GLIS2: variants seen among roughly 807,000 people sequenced by gnomAD.
GLIS2 encodes the protein GLIS family zinc finger 2.
In GLIS2, 14 loss-of-function variants were observed where a neutral mutation model predicts 35.6. The ratio of observed to expected loss-of-function variants is 0.39; its 90% CI spans 0.26 to 0.61. The LOEUF is 0.61. Ranked by LOEUF, GLIS2 falls within the 20% of genes least tolerant of loss-of-function variation. The pLI, the probability that GLIS2 is intolerant of heterozygous loss-of-function variation, is 0.48. For missense variants in GLIS2, 675 were observed against 713.4 expected (o/e 0.95, Z 0.61); for synonymous variants, 368 against 325.1 (o/e 1.13, Z -1.42).
chr16:4,337,173 T>A lies in GLIS2; in HGVS notation c.1224T>A (p.Pro408=). Residue 408 remains proline, a synonymous_variant, in exon 7 of 7, where the codon CCT becomes CCA. Coordinates refer to ENST00000433375, the MANE Select transcript of GLIS2 (RefSeq NM_032575.3). ...MGPGLPGPVL[P]LNLAKNPLLP... Reference sequence around the variant, plus strand: ...CTGGGCTGCCAGGCCCCGTCCTGCCTCTCAATCTGGCCAAGAACCCGCTGC... The same window carrying A: ...CTGGGCTGCCAGGCCCCGTCCTGCCACTCAATCTGGCCAAGAACCCGCTGC... 6.5e-7 allele frequency: 1 copy of A among 1,542,898 alleles called. No individual in the cohort carries two copies.
chr16:4,332,136 C>T lies in GLIS2; in HGVS notation c.-66-79C>T, dbSNP rs1013575868. The T allele has an allele frequency of 8.6e-6, 9 of 1,043,460 alleles. No individual in the cohort carries two copies. Among genetic ancestry groups the T allele is most frequent in the African/African-American group, 1.6e-5 (1 of 62,946 alleles). 64.6% of individuals were successfully genotyped at this position (1,043,460 alleles called of 1,614,324 possible). A position where few individuals can be genotyped will look rare whatever the true frequency, so the allele number is the denominator to read the frequency against. On this transcript the variant is annotated intron_variant, in intron 1 of 6. Coordinates refer to ENST00000433375, the MANE Select transcript of GLIS2 (RefSeq NM_032575.3). The surrounding 1 kb of genome is among the most constrained non-coding windows in gnomAD (Gnocchi z 5.4). ...CCTCACACTGCCCCCTGCTCCTGCTCCTGTTAGACTGTCATGAGTACAGCC... is the reference window on the plus strand; with the variant it reads ...CCTCACACTGCCCCCTGCTCCTGCTTCTGTTAGACTGTCATGAGTACAGCC...
chr16:4,336,960 G>A lies in GLIS2; in HGVS notation c.1011G>A (p.Pro337=), dbSNP rs200814551. 1.6e-3 allele frequency: 2,579 copies of A among 1,610,730 alleles called. 71 individuals carry two copies. The East Asian group carries it at 0.049, about 30-fold the overall frequency. ...TGCAGCTGCGCCCACCCCCCAAGCCGCCACTGCCCGCCCCCGACGGCGGCC... is the reference window on the plus strand; with the variant it reads ...TGCAGCTGCGCCCACCCCCCAAGCCACCACTGCCCGCCCCCGACGGCGGCC... ...ELLQLRPPPK[P]PLPAPDGGPY... The change falls in exon 7 of 7, where the codon CCG becomes CCA. Residue 337 remains proline (P), a synonymous_variant. Transcript: ENST00000433375.
Position 4,334,886 on chromosome 16 carries a change from T to A in GLIS2, c.431T>A (p.Leu144Gln). Residue 144 changes from leucine to glutamine, a missense_variant, in exon 4 of 7, where the codon CTG becomes CAG. Leu to Gln is a moderately radical substitution (Grantham distance 113). Transcript: ENST00000433375. ...CTCGGCTCCGGGGGGGCCCTGCACCTGCCTGCCTCCTCCTTCCTTACCCCT... is the reference window on the plus strand; with the variant it reads ...CTCGGCTCCGGGGGGGCCCTGCACCAGCCTGCCTCCTCCTTCCTTACCCCT... ...LPLGSGGALHLPASSFLTPPK... is the reference protein window; with the variant it reads ...LPLGSGGALHQPASSFLTPPK... The A allele has an allele frequency of 6.2e-7, 1 of 1,613,220 alleles. No homozygotes were observed. Among genetic ancestry groups the A allele is most frequent in the East Asian group, 2.2e-5 (1 of 44,874 alleles).
At position 4,339,402 on chromosome 16, in the gene GLIS2, T is replaced by G. The variant is rs2053600837; in HGVS notation, c.*1878T>G. The G allele has an allele frequency of 6.5e-6, 1 of 152,890 alleles. No individual in the cohort carries two copies. The highest frequency in any genetic ancestry group is 1.5e-5 in the Non-Finnish European group (1 of 68,228). The allele number at this position is 152,890 out of a possible 1,614,324, so 9.5% of individuals were successfully genotyped here. ...CTTTTTGTGGTTGTCATTGGTGTGT[T>G]GTTGCACATTCCAGGACGTCAGTAT... On this transcript the variant is annotated 3_prime_UTR_variant, in exon 7 of 7. Coordinates refer to ENST00000433375, the MANE Select transcript of GLIS2 (RefSeq NM_032575.3).
rs772461652 is a variant in GLIS2 at position 4,338,634 on chromosome 16, G to C, written c.*1110G>C. ...CTTGAGGGAAGCAGTGGCTGGAGGAGGGTGCTGGACCCATGACACGTTGCT... is the reference window on the plus strand; with the variant it reads ...CTTGAGGGAAGCAGTGGCTGGAGGACGGTGCTGGACCCATGACACGTTGCT... On this transcript the variant is annotated 3_prime_UTR_variant, in exon 7 of 7. Transcript: ENST00000433375. The C allele has an allele frequency of 6.5e-6, 1 of 152,848 alleles. No individual in the cohort carries two copies. Among genetic ancestry groups the C allele is most frequent in the South Asian group, 2.1e-4 (1 of 4,862 alleles). 9.5% of individuals were successfully genotyped at this position (152,848 alleles called of 1,614,324 possible).
At chr16:4,319,628 G>A (rs956038359) in intron 1 of GLIS2, among the ~76,000 whole-genome samples, 1 of 152,240 alleles carries the variant, frequency 6.6e-6, no homozygotes, top group Non-Finnish European at 1.5e-5. Context: ...CCACCCTGGT[G>A]AATTCTAAGT....
At chr16:4,329,763 G>C (rs1479034235) in intron 1 of GLIS2, among the ~76,000 whole-genome samples, 1 of 152,214 alleles carries the variant, frequency 6.6e-6, no homozygotes, top group Non-Finnish European at 1.5e-5. Context: ...CTTTGGTATT[G>C]AGTAAAGACC....
rs878932904 is a variant in GLIS2, at chr16:4,339,370, C to T, written c.*1846C>T. 2 of 152,700 alleles carry T rather than the reference C, an allele frequency of 1.3e-5. No individual in the cohort carries two copies. Among genetic ancestry groups the T allele is most frequent in the African/African-American group, 2.4e-5 (1 of 41,454 alleles). 9.5% of individuals were successfully genotyped at this position (152,700 alleles called of 1,614,324 possible). ...GGTGACGGACCAGGCTCGGCAGGGC[C>T]GGTGTACTTTTTGTGGTTGTCATTG... On this transcript the variant is annotated 3_prime_UTR_variant, in exon 7 of 7. Transcript: ENST00000433375.
intron 1 of GLIS2, among the ~76,000 whole-genome samples, chr16:4,318,889 G>A (rs1183414955): frequency 1.3e-5 from 2 of 152,236 alleles, no homozygotes; most frequent in Non-Finnish European, 2.9e-5. Context: ...GGGGGTGAGG[G>A]CCAGTGCCGG....
chr16:4,337,547 G>A lies in GLIS2; in HGVS notation c.*23G>A, dbSNP rs146555568. 1,026 of 1,544,572 alleles carry A rather than the reference G, an allele frequency of 6.6e-4. 7 individuals are homozygous for A. In the African/African-American group the frequency reaches 9.4e-3, roughly 14 times the overall value. ...TGAGCCCATCCTGCGGACAGTTGTG[G>A]TGCCCCCCCGGCAGCTCCCGGCACT... On this transcript the variant is annotated 3_prime_UTR_variant, in exon 7 of 7. Transcript: ENST00000433375.
chr16:4,333,490 G>A lies in GLIS2; in HGVS notation c.316G>A (p.Gly106Arg), dbSNP rs374750535. 1.2e-5 allele frequency: 20 copies of A among 1,611,764 alleles called. No homozygotes were observed. The highest frequency in any genetic ancestry group is 9.9e-5 in the South Asian group (9 of 91,060). Residue 106 changes from glycine to arginine, a missense_variant, in exon 3 of 7, where the codon GGG becomes AGG. Physicochemically the swap from Gly to Arg is moderately radical, Grantham distance 125 (BLOSUM62 -2). This residue lies in a region of GLIS2 where 225 missense variants were observed against 238.7 expected (regional missense o/e 0.94). Transcript: ENST00000433375. ...SSLSPERQGN[G>R]DLPPVPSASD... Reference sequence around the variant, plus strand: ...GCTGTCCCCCGAGCGCCAGGGCAACGGGGACCTGCCTCCAGTGCCCAGTGC... The same window carrying A: ...GCTGTCCCCCGAGCGCCAGGGCAACAGGGACCTGCCTCCAGTGCCCAGTGC...
At position 4,339,424 on chromosome 16, in the gene GLIS2, G is replaced by C. The variant is rs2053601089; in HGVS notation, c.*1900G>C. On this transcript the variant is annotated 3_prime_UTR_variant, in exon 7 of 7. Coordinates refer to ENST00000433375, the MANE Select transcript of GLIS2 (RefSeq NM_032575.3). Reference sequence around the variant, plus strand: ...TGTTGTTGCACATTCCAGGACGTCAGTATTTTAACAGGTTCTAAGTGCCTT... The same window carrying C: ...TGTTGTTGCACATTCCAGGACGTCACTATTTTAACAGGTTCTAAGTGCCTT... 6.5e-6 allele frequency: 1 copy of C among 152,976 alleles called. No homozygotes were observed. Among genetic ancestry groups the C allele is most frequent in the Non-Finnish European group, 1.5e-5 (1 of 68,254 alleles). The allele number at this position is 152,976 out of a possible 1,614,324, so 9.5% of individuals were successfully genotyped here.
chr16:4,316,448 G>T (rs528923090), intron 1 of GLIS2, among the ~76,000 whole-genome samples, 194 bp downstream of exon 1: 1 of 151,412 alleles, frequency 6.6e-6, no homozygotes, highest in African/African-American at 2.4e-5. Context: ...TCCCTCGCCG[G>T]CTCCCCGGCC....
At chr16:4,327,106 C>T (rs1380652223) in intron 1 of GLIS2, among the ~76,000 whole-genome samples, 4 of 152,040 alleles carry the variant, frequency 2.6e-5, no homozygotes, top group Non-Finnish European at 5.9e-5. Context: ...GTTGCCCAGG[C>T]TGGTGTAGAA....
Position 4,333,411 on chromosome 16 carries a change from G to T in GLIS2, c.237G>T (p.Val79=). Residue 79 remains valine, a synonymous_variant, in exon 3 of 7, where the codon GTG becomes GTT. Coordinates refer to ENST00000433375, the MANE Select transcript of GLIS2 (RefSeq NM_032575.3). The part of the protein sequence containing the change: ...VEGRFSAAPL[V]DLSLSPPSGL... ...GACGCTTTTCAGCAGCCCCTCTCGT[G>T]GACCTCAGCCTGTCACCACCATCTG... The T allele has an allele frequency of 6.2e-7, 1 of 1,612,972 alleles. No individual in the cohort carries two copies.
rs1392457183 is a variant in GLIS2, at chr16:4,337,626, G to A, written c.*102G>A. The A allele has an allele frequency of 5.9e-5, 89 of 1,496,912 alleles. 1 individual carries two copies. In the Admixed American group the frequency reaches 1.2e-3, roughly 20 times the overall value. The allele number at this position is 1,496,912 out of a possible 1,614,324, so 92.7% of individuals were successfully genotyped here. On this transcript the variant is annotated 3_prime_UTR_variant, in exon 7 of 7. Transcript: ENST00000433375. ...AAATAGCAATAATGTCCTACTGCCC[G>A]GGCAGCCCCAGCCCAGCCCGCCGGG...
intron 1 of GLIS2, among the ~76,000 whole-genome samples, chr16:4,327,553 G>T (rs1021229449): frequency 2.0e-5 from 3 of 152,172 alleles, no homozygotes; most frequent in Non-Finnish European, 4.4e-5. Context: ...TGGCCTGGCC[G>T]GGGACTGCGG....
intron 1 of GLIS2, among the ~76,000 whole-genome samples, chr16:4,319,347 G>T (rs949316012): frequency 6.6e-6 from 1 of 152,176 alleles, no homozygotes; most frequent in African/African-American, 2.4e-5. Flanking sequence ...GTATTGAGCA[G>T]TAAGAGACCC....
Position 4,321,531 on chromosome 16 carries a change from G to A in GLIS2, c.-67+5277G>A, listed in dbSNP as rs181124872. Among the ~76,000 whole-genome samples the A allele has an allele frequency of 1.1e-3, 160 of 152,322 alleles. 1 individual carries two copies. The highest frequency in any genetic ancestry group is 1.8e-3 in the Non-Finnish European group (125 of 68,022). On this transcript the variant is annotated intron_variant, in intron 1 of 6. Transcript: ENST00000433375. ...TACCACTGTGCCACCTAAGATGAGT[G>A]GTTGGGGTTGTTGGAGCTTCGGCTG... is the stretch of plus-strand genomic sequence containing the variant.
Sources: allele counts gnomAD v4.1 joint callset (sites outside exome capture counted in the v4.1 genomes callset), GRCh38; gene constraint gnomAD v4.1.1; regional missense constraint gnomAD v4.1.1; non-coding constraint Gnocchi (gnomAD v3.1); transcripts MANE v1.5; gene names NCBI Gene and HGNC (gene_info 2026-07-23, HGNC 2026-07-21).